Variants in RALGAPA1 observed in about 807,000 individuals in gnomAD.
The protein encoded by RALGAPA1 is Ral GTPase activating protein catalytic subunit alpha 1.
RALGAPA1 carries 52 observed loss-of-function variants against 269.6 expected under a neutral mutation model. That is an observed-to-expected ratio of 0.19 (90% CI 0.15 to 0.24). The LOEUF (loss-of-function observed/expected upper bound fraction) is 0.24, where lower values mean the gene tolerates loss of function less well. RALGAPA1 is among the 10% of genes least tolerant of loss of function. The probability of loss-of-function intolerance (pLI) is 1.00; values close to 1 mark genes in which losing one functional copy is unlikely to be tolerated. For synonymous variants in RALGAPA1, 817 were observed against 1,008.3 expected, an observed-to-expected ratio of 0.81 and a Z score of 3.60; for missense variants, 1,917 against 3,013.9, an observed-to-expected ratio of 0.64 and a Z score of 8.52.
rs540072280 is a variant in RALGAPA1 at position 35,695,101 on chromosome 14, T to C, written c.2407+5061A>G. 1.4e-4 allele frequency among the ~76,000 whole-genome samples: 21 copies of C among 151,574 alleles called. No homozygotes were observed. The East Asian group carries it at 3.9e-3, about 28-fold the overall frequency. On this transcript the variant is annotated intron_variant, in intron 17 of 41. Coordinates refer to ENST00000680220, the MANE Select transcript of RALGAPA1 (RefSeq NM_001346249.2). ...TCTCAAAAAAATTAACGTAAATTAT[T>C]CCAGGAAAAAAAAATTAATTTGCCA... is the stretch of plus-strand genomic sequence containing the variant.
chr14:35,720,688 A>G (rs1272357613), intron 16 of RALGAPA1, among the ~76,000 whole-genome samples: 1 of 152,234 alleles, frequency 6.6e-6, no homozygotes, highest in East Asian at 1.9e-4. Flanking sequence ...GCACTTTGAG[A>G]GGCCAAAGTG....
rs183765432 is a variant in RALGAPA1, at chr14:35,575,680, C to T, written c.7210-2962G>A. On this transcript the variant is annotated intron_variant, in intron 37 of 41. Coordinates refer to ENST00000680220, the MANE Select transcript of RALGAPA1 (RefSeq NM_001346249.2). ...TGCAACCTTGGCTCACTGCAACCTC[C>T]GCCTCCCAGGTTCAAGCGATTATCT... Among the ~76,000 whole-genome samples, 872 of 152,224 alleles carry T rather than the reference C, an allele frequency of 5.7e-3. 2 individuals are homozygous for T. Among genetic ancestry groups the T allele is most frequent in the African/African-American group, 0.018 (733 of 41,528 alleles).
At chr14:35,732,497 G>T (rs1322176235) in intron 12 of RALGAPA1, among the ~76,000 whole-genome samples, 1 of 152,182 alleles carries the variant, frequency 6.6e-6, no homozygotes, top group Non-Finnish European at 1.5e-5. Flanking sequence ...CCAACCATCT[G>T]CTGCTTTCAG....
At chr14:35,573,449 T>C (rs2057356137) in intron 37 of RALGAPA1, among the ~76,000 whole-genome samples, 1 of 152,162 alleles carries the variant, frequency 6.6e-6, no homozygotes, top group African/African-American at 2.4e-5. Context: ...TGACTTTTAG[T>C]GCAGATCTTA....
rs113533747 is a variant in RALGAPA1 at position 35,572,776 on chromosome 14, C to T, written c.7210-58G>A. 153 of 1,195,940 alleles carry T rather than the reference C, an allele frequency of 1.3e-4. 2 individuals are homozygous for T. In the African/African-American group the frequency reaches 1.4e-3, roughly 11 times the overall value. The allele number at this position is 1,195,940 out of a possible 1,614,324, so 74.1% of individuals were successfully genotyped here. ...TAAAAGCTCTTTGAGTACAGTCATACAGTCACATACAACATAAAAAGGGGA... is the reference window on the plus strand; with the variant it reads ...TAAAAGCTCTTTGAGTACAGTCATATAGTCACATACAACATAAAAAGGGGA... On this transcript the variant is annotated intron_variant, in intron 37 of 41. Coordinates refer to ENST00000680220, the MANE Select transcript of RALGAPA1 (RefSeq NM_001346249.2).
Position 35,562,459 on chromosome 14 carries a change from G to GA in RALGAPA1, c.7496+8157dup, listed in dbSNP as rs200428710. 4.5e-3 allele frequency among the ~76,000 whole-genome samples: 692 copies of GA among 152,220 alleles called. 8 individuals carry two copies. The highest frequency in any genetic ancestry group is 0.016 in the African/African-American group (667 of 41,514). On this transcript the variant is annotated intron_variant, in intron 39 of 41. Transcript: ENST00000680220. ...GAGATCTCCCAACCCCAAATGAAGT[G>GA]AAAACCCTCATTAATGAATGACGTC...
chr14:35,585,161 T>A (rs764179982), intron 37 of RALGAPA1, among the ~76,000 whole-genome samples: 2 of 152,046 alleles, frequency 1.3e-5, no homozygotes, highest in South Asian at 4.1e-4. Flanking sequence ...CAACAAAGCA[T>A]CAAAATGCAT....
chr14:35,682,767 T>C (rs975500469), intron 21 of RALGAPA1, among the ~76,000 whole-genome samples: 3 of 152,244 alleles, frequency 2.0e-5, no homozygotes, highest in Admixed American at 6.5e-5. Flanking sequence ...TTTTCTCTAG[T>C]ATTCCACTTT....
Position 35,748,833 on chromosome 14 carries a change from C to CAAAAAAA in RALGAPA1, c.1012-16_1012-10dup. On this transcript the variant is annotated splice_polypyrimidine_tract_variant and intron_variant, in intron 9 of 41. Coordinates refer to ENST00000680220, the MANE Select transcript of RALGAPA1 (RefSeq NM_001346249.2). Reference sequence around the variant, plus strand: ...AAACTAGCAGCTGCTCTCTAAAATACAAAAAAAAAAAAAAAAGAGAGAAAC... The same window carrying CAAAAAAA: ...AAACTAGCAGCTGCTCTCTAAAATACAAAAAAAAAAAAAAAAAAAAAAAGAGAGAAAC... 1 of 1,298,066 alleles carries CAAAAAAA rather than the reference C, an allele frequency of 7.7e-7. No homozygotes were observed. The highest frequency in any genetic ancestry group is 9.9e-7 in the Non-Finnish European group (1 of 1,014,980). 80.4% of individuals were successfully genotyped at this position (1,298,066 alleles called of 1,614,324 possible).
At chr14:35,762,781 T>G in intron 4 of RALGAPA1, 28 bp from the exon 5 acceptor site, 2 of 1,266,076 alleles carry the variant, frequency 1.6e-6, no homozygotes, top group Non-Finnish European at 2.3e-6. Flanking sequence ...TTTTAAATAT[T>G]CACATCTTAT....
chr14:35,704,636 A>G (rs1332002215), intron 16 of RALGAPA1, among the ~76,000 whole-genome samples: 1 of 152,176 alleles, frequency 6.6e-6, no homozygotes, highest in Admixed American at 6.5e-5. Flanking sequence ...CATAGACTAT[A>G]CTAGTGTCTT....
intron 12 of RALGAPA1, among the ~76,000 whole-genome samples, chr14:35,729,023 C>G (rs1424948792): frequency 1.3e-5 from 2 of 152,072 alleles, no homozygotes; most frequent in Non-Finnish European, 2.9e-5. Context: ...GTGTGAGCCA[C>G]TGCACCTGGC....
intron 18 of RALGAPA1, 66 bp downstream of exon 18, chr14:35,688,393 C>T: frequency 6.6e-7 from 1 of 1,521,368 alleles, no homozygotes; most frequent in Non-Finnish European, 8.8e-7. Flanking sequence ...TAGCTTGCTT[C>T]AGTTGCATTA....
chr14:35,634,458 T>A, intron 33 of RALGAPA1, 116 bp downstream of exon 33: 2 of 732,782 alleles, frequency 2.7e-6, no homozygotes, highest in East Asian at 5.8e-5. Flanking sequence ...ACATACATGG[T>A]TAAACAACTA....
intron 1 of RALGAPA1, among the ~76,000 whole-genome samples, chr14:35,808,518 C>T (rs892667563): frequency 2.6e-5 from 4 of 152,184 alleles, no homozygotes; most frequent in Non-Finnish European, 4.4e-5. Flanking sequence ...AGACTATTAA[C>T]TCAAAATTAG....
intron 27 of RALGAPA1, among the ~76,000 whole-genome samples, 176 bp downstream of exon 27, chr14:35,664,466 A>G (rs1457187980): frequency 6.6e-6 from 1 of 152,230 alleles, no homozygotes; most frequent in Non-Finnish European, 1.5e-5. Flanking sequence ...AGTTTTAAAC[A>G]CAAAAAAGGA....
chr14:35,627,917 T>C lies in RALGAPA1; in HGVS notation c.6030A>G (p.Ile2010Met). The stretch of plus-strand genomic sequence containing the variant: ...GATGTGTAATAACAGTGCGGGCTGC[T>C]ATAGAGATTAATCCATGCTGCATTT... ...KTQMQHGLIS[I>M]AARTVITHLV... The change falls in exon 34 of 42, where the codon ATA (isoleucine) becomes ATG (methionine). Residue 2010 changes from isoleucine to methionine, a missense_variant. By Grantham distance (10) the Ile-to-Met change is conservative. Around this residue, in one of 11 missense-constraint regions of RALGAPA1, gnomAD observed 346 missense variants for 566.1 expected, o/e 0.61. Transcript: ENST00000680220. 1 of 1,548,388 alleles carries C rather than the reference T, an allele frequency of 6.5e-7. No homozygotes were observed. Among genetic ancestry groups the C allele is most frequent in the African/African-American group, 1.4e-5 (1 of 72,676 alleles).
chr14:35,766,526 C>A, intron 4 of RALGAPA1: 2 of 1,119,580 alleles, frequency 1.8e-6, no homozygotes, highest in Non-Finnish European at 2.7e-6. Context: ...ATCTATTGTG[C>A]ACATCAGAAG....
rs1431439959 is a variant in RALGAPA1 at position 35,742,258 on chromosome 14, T to C, written c.1449+110A>G. The C allele has an allele frequency of 4.7e-6, 4 of 851,766 alleles. No homozygotes were observed. The East Asian group carries it at 8.0e-5, about 17-fold the overall frequency. The allele number at this position is 851,766 out of a possible 1,614,324, so 52.8% of individuals were successfully genotyped here. A position where few individuals can be genotyped will look rare whatever the true frequency, so the allele number is the denominator to read the frequency against. ...TTGTTGCAAAATATACTGAAAGATA[T>C]CTTTATCTTCCCATTTAATAAGTAT... On this transcript the variant is annotated intron_variant, in intron 11 of 41. Transcript: ENST00000680220.
Sources: allele counts gnomAD v4.1 joint callset (sites outside exome capture counted in the v4.1 genomes callset), GRCh38; gene constraint gnomAD v4.1.1; regional missense constraint gnomAD v4.1.1; transcripts MANE v1.5; gene names NCBI Gene and HGNC (gene_info 2026-07-23, HGNC 2026-07-21).